Variants in FERMT2 observed in about 807,000 individuals in gnomAD.
FERMT2 encodes the protein FERM domain containing kindlin 2.
In FERMT2, 15 loss-of-function variants were observed where a neutral mutation model predicts 82.7. The ratio of observed to expected loss-of-function variants is 0.18; its 90% CI spans 0.12 to 0.28. The LOEUF (loss-of-function observed/expected upper bound fraction) is 0.28. Ranked by LOEUF, FERMT2 falls within the 10% of genes least tolerant of loss-of-function variation. The probability of loss-of-function intolerance (pLI) is 1.00; values close to 1 mark genes in which losing one functional copy is unlikely to be tolerated. For missense variants in FERMT2, 645 were observed against 809.4 expected, an observed-to-expected ratio of 0.80 and a Z score of 2.46; for synonymous variants, 274 against 271.5, an observed-to-expected ratio of 1.01 and a Z score of -0.09.
In FERMT2 at chr14:52,858,372, C is replaced by T. The variant is rs6572868; in HGVS notation, c.*5G>A. ...CCGTGGAGTTTCATTAAACAGTATT[C>T]CTATTCACACCCAACCACTGGTAAG... On this transcript the variant is annotated 3_prime_UTR_variant, in exon 15 of 15. Transcript: ENST00000341590. 1,422,632 of 1,611,796 alleles carry T rather than the reference C, an allele frequency of 0.88. 630,318 individuals are homozygous for T. Among genetic ancestry groups the T allele is most frequent in the Middle Eastern group, 0.91 (5,493 of 6,060 alleles).
chr14:52,908,432 T>C (rs1888137854), intron 3 of FERMT2, among the ~76,000 whole-genome samples: 1 of 152,132 alleles, frequency 6.6e-6, no homozygotes, highest in Non-Finnish European at 1.5e-5. Context: ...GACTGGTGAA[T>C]GGATAAACAA....
chr14:52,940,625 T>C (rs1385293228), intron 2 of FERMT2, among the ~76,000 whole-genome samples: 1 of 152,180 alleles, frequency 6.6e-6, no homozygotes, highest in Non-Finnish European at 1.5e-5. Context: ...TTTCAAAGAA[T>C]CCTAATACAT....
At chr14:52,862,893 A>G (rs918018990) in intron 12 of FERMT2, 16 of 152,224 alleles carry the variant, frequency 1.1e-4, no homozygotes, top group African/African-American at 3.6e-4. Context: ...GAGAAAACAA[A>G]TAGTTGACAG....
intron 4 of FERMT2, among the ~76,000 whole-genome samples, chr14:52,888,205 G>A (rs1399119631): frequency 6.6e-6 from 1 of 152,122 alleles, no homozygotes; most frequent in African/African-American, 2.4e-5. Context: ...AGGCTTATTT[G>A]TGATTTTGGT....
intron 2 of FERMT2, among the ~76,000 whole-genome samples, chr14:52,950,197 T>C (rs575824964): frequency 8.5e-5 from 13 of 152,310 alleles, no homozygotes; most frequent in Admixed American, 2.0e-4. Context: ...GAGGCTCGAA[T>C]CATTACATAT....
At chr14:52,950,757 C>G (rs1323099799) in intron 1 of FERMT2, 164 bp downstream of exon 1, 1 of 551,032 alleles carries the variant, frequency 1.8e-6, no homozygotes, top group African/African-American at 2.0e-5. Context: ...CCGCTCGCCC[C>G]GCAGCGTTCC....
intron 1 of FERMT2, 167 bp from the exon 2 acceptor site, chr14:52,950,744 GCCCCGCT>G: frequency 1.7e-6 from 1 of 578,832 alleles, no homozygotes. Context: ...AGGACCCTAC[GCCCCGCT>G]CGCCCCGCAG....
chr14:52,946,360 T>TA (rs527900617), intron 2 of FERMT2, among the ~76,000 whole-genome samples: 1,693 of 143,434 alleles, frequency 0.012, 30 homozygotes, highest in African/African-American at 0.034. Flanking sequence ...TGTCTTTGAT[T>TA]AAAAAAAAAA....
intron 2 of FERMT2, among the ~76,000 whole-genome samples, chr14:52,934,890 C>A (rs1198978485): frequency 1.3e-5 from 2 of 152,078 alleles, no homozygotes; most frequent in African/African-American, 4.8e-5. Flanking sequence ...ACTAACACTT[C>A]TGTGTGTGAA....
At chr14:52,915,988 T>C (rs1888592432) in intron 3 of FERMT2, among the ~76,000 whole-genome samples, 1 of 152,030 alleles carries the variant, frequency 6.6e-6, no homozygotes, top group South Asian at 2.1e-4. Flanking sequence ...CAAGATATCG[T>C]TTGGTGAGTG....
intron 2 of FERMT2, among the ~76,000 whole-genome samples, chr14:52,932,455 G>C (rs1889634666): frequency 6.6e-6 from 1 of 152,162 alleles, no homozygotes; most frequent in Admixed American, 6.5e-5. Context: ...GTCTTTCTCT[G>C]ATTTAATAAT....
intron 2 of FERMT2, chr14:52,927,882 C>G (rs1417616901): frequency 4.6e-6 from 1 of 219,494 alleles, no homozygotes; most frequent in Admixed American, 4.5e-5. Context: ...TCAGTTCTGC[C>G]TCATCTAAAC....
chr14:52,858,582 C>A, intron 14 of FERMT2, 32 bp from the exon 15 acceptor site: 1 of 1,605,526 alleles, frequency 6.2e-7, no homozygotes, highest in South Asian at 1.1e-5. Flanking sequence ...TCAGTGCTGT[C>A]CCAAATGCTA....
chr14:52,899,331 G>C (rs1008104986), intron 3 of FERMT2, among the ~76,000 whole-genome samples: 10 of 152,072 alleles, frequency 6.6e-5, no homozygotes, highest in African/African-American at 2.2e-4. Context: ...CGCCCAGGCT[G>C]GAGTGCAGTG....
chr14:52,896,816 C>T (rs556210546), intron 3 of FERMT2, among the ~76,000 whole-genome samples: 2 of 151,960 alleles, frequency 1.3e-5, no homozygotes, highest in Non-Finnish European at 2.9e-5. Context: ...CTAGGAAGAC[C>T]TTTTCTCTAC....
chr14:52,898,308 G>C (rs1234512046), intron 3 of FERMT2, among the ~76,000 whole-genome samples: 1 of 151,974 alleles, frequency 6.6e-6, no homozygotes, highest in Non-Finnish European at 1.5e-5. Context: ...ACATACTACA[G>C]CATTTTTCAG....
chr14:52,940,336 C>T (rs1021747101), intron 2 of FERMT2, among the ~76,000 whole-genome samples: 5 of 152,238 alleles, frequency 3.3e-5, no homozygotes, highest in African/African-American at 4.8e-5. Context: ...CTCATATACA[C>T]GAATTCACTT....
chr14:52,892,456 G>T (rs1201996558), intron 4 of FERMT2, among the ~76,000 whole-genome samples: 59 of 133,392 alleles, frequency 4.4e-4, no homozygotes, highest in Admixed American at 1.1e-3. Flanking sequence ...GCTGTTTTTT[G>T]TTTTTTTTTT....
chr14:52,866,760 C>T (rs1307733111), intron 10 of FERMT2, among the ~76,000 whole-genome samples: 1 of 152,178 alleles, frequency 6.6e-6, no homozygotes, highest in Non-Finnish European at 1.5e-5. Flanking sequence ...TCTTATGTCT[C>T]CAAGAAAATG....
Sources: gnomAD v4.1 joint callset for allele counts (sites outside exome capture counted in the v4.1 genomes callset) on GRCh38, gnomAD v4.1.1 for gene constraint, MANE v1.5 for transcripts, NCBI Gene and HGNC (gene_info 2026-07-23, HGNC 2026-07-21) for gene names.